The following BCAT1 variants were observed in gnomAD, a reference collection of about 807,000 sequenced individuals.
BCAT1 encodes branched-chain-amino-acid aminotransferase, cytosolic.
A neutral mutation model predicts 52.4 loss-of-function variants in BCAT1; 48 were observed. The observed-to-expected ratio is 0.92, with a 90% CI of 0.73 to 1.16. BCAT1 has a LOEUF of 1.16. BCAT1 is among the 50% of genes most tolerant of loss of function. The probability of loss-of-function intolerance (pLI) is 0.00; values close to 1 mark genes in which losing one functional copy is unlikely to be tolerated. For missense variants in BCAT1, 451 were observed against 457.1 expected (o/e 0.99, Z 0.12); for synonymous variants, 167 against 161.3 (o/e 1.04, Z -0.27).
intron 1 of BCAT1, among the ~76,000 whole-genome samples, chr12:24,924,929 A>G (rs560191712): frequency 6.6e-6 from 1 of 152,340 alleles, no homozygotes; most frequent in African/African-American, 2.4e-5. Flanking sequence ...GAAAGCATAT[A>G]GAAAGGTTAA....
intron 2 of BCAT1, among the ~76,000 whole-genome samples, chr12:24,898,939 T>C (rs1282904432): frequency 6.6e-6 from 1 of 152,246 alleles, no homozygotes; most frequent in Admixed American, 6.5e-5. Flanking sequence ...TCTAGGTTCT[T>C]GTGCATTATT....
chr12:24,829,761 A>T lies in BCAT1; in HGVS notation c.1119+62T>A, dbSNP rs536500291. The T allele has an allele frequency of 1.2e-4, 155 of 1,323,306 alleles. 1 individual carries two copies. In the South Asian group the frequency reaches 2.0e-3, roughly 17 times the overall value. The allele number at this position is 1,323,306 out of a possible 1,614,324, so 82.0% of individuals were successfully genotyped here. On this transcript the variant is annotated intron_variant, in intron 10 of 10. Coordinates refer to ENST00000261192, the MANE Select transcript of BCAT1 (RefSeq NM_005504.7). ...AATTTAGTTGTAAGCTCTGACAGAA[A>T]TAAGGTGACATAAAAAAAAGAAAAG... is the stretch of plus-strand genomic sequence containing the variant.
Position 24,842,303 on chromosome 12 carries a change from A to G in BCAT1, c.675-79T>C. 5 of 1,503,204 alleles carry G rather than the reference A, an allele frequency of 3.3e-6. No homozygotes were observed. In the South Asian group the frequency reaches 5.8e-5, roughly 17 times the overall value. The allele number at this position is 1,503,204 out of a possible 1,614,324, so 93.1% of individuals were successfully genotyped here. The stretch of plus-strand genomic sequence containing the variant: ...CATCTTCTACCCTCTGATAGCCTCA[A>G]GCTCTTAATTCACATGTGGACATAG... On this transcript the variant is annotated intron_variant, in intron 6 of 10. Transcript: ENST00000261192.
chr12:24,844,271 T>C (rs749530713), intron 6 of BCAT1, among the ~76,000 whole-genome samples: 5 of 147,554 alleles, frequency 3.4e-5, no homozygotes, highest in African/African-American at 5.0e-5. Context: ...CTACTAAAAA[T>C]AACAAAAAAA....
At chr12:24,860,590 A>T (rs1243655259) in intron 5 of BCAT1, among the ~76,000 whole-genome samples, 1 of 152,222 alleles carries the variant, frequency 6.6e-6, no homozygotes, top group East Asian at 1.9e-4. Context: ...GGACACAATT[A>T]GAGACACTGC....
chr12:24,829,545 CA>C (rs1323152216), intron 10 of BCAT1, among the ~76,000 whole-genome samples: 1 of 151,824 alleles, frequency 6.6e-6, no homozygotes. Flanking sequence ...TAAATGTTAC[CA>C]AAAATTACAT....
chr12:24,846,495 G>A (rs1459599514), intron 6 of BCAT1, among the ~76,000 whole-genome samples: 1 of 152,108 alleles, frequency 6.6e-6, no homozygotes, highest in African/African-American at 2.4e-5. Flanking sequence ...GTTTTAAATA[G>A]GTTATCTGGG....
At chr12:24,901,207 C>A (rs573728803) in intron 2 of BCAT1, among the ~76,000 whole-genome samples, 1 of 152,182 alleles carries the variant, frequency 6.6e-6, no homozygotes, top group South Asian at 2.1e-4. Flanking sequence ...TGTCTGATGA[C>A]AATTGACAGT....
At chr12:24,940,356 T>C (rs183709739) in intron 1 of BCAT1, among the ~76,000 whole-genome samples, 2 of 152,324 alleles carry the variant, frequency 1.3e-5, no homozygotes, top group Admixed American at 1.3e-4. Flanking sequence ...ACTAAAGTAC[T>C]CCTGTACATA....
chr12:24,840,003 G>A (rs2139425960), intron 7 of BCAT1, among the ~76,000 whole-genome samples: 1 of 152,092 alleles, frequency 6.6e-6, no homozygotes, highest in Middle Eastern at 3.4e-3. Context: ...CAAAGTGAAG[G>A]AGTATATTAA....
chr12:24,947,322 T>C (rs774120793), intron 1 of BCAT1, among the ~76,000 whole-genome samples: 1 of 152,212 alleles, frequency 6.6e-6, no homozygotes, highest in African/African-American at 2.4e-5. Flanking sequence ...TGCTACTCAG[T>C]GTATATCCTA....
At chr12:24,833,738 GAAGT>G (rs1213944630) in intron 8 of BCAT1, 5 of 152,030 alleles carry the variant, frequency 3.3e-5, no homozygotes, top group Non-Finnish European at 5.9e-5. Flanking sequence ...GGCCACAAAG[GAAGT>G]AAGTGACAGA....
intron 1 of BCAT1, among the ~76,000 whole-genome samples, chr12:24,935,492 G>C (rs1423258055): frequency 1.3e-5 from 2 of 152,056 alleles, no homozygotes; most frequent in African/African-American, 4.8e-5. Context: ...CTGCATCCCT[G>C]CCACAGCCCC....
chr12:24,860,797 CCA>C (rs1297221644), intron 5 of BCAT1, among the ~76,000 whole-genome samples: 1 of 152,094 alleles, frequency 6.6e-6, no homozygotes, highest in African/African-American at 2.4e-5. Context: ...CCTAGGAGCT[CCA>C]GTTATCTTGG....
intron 2 of BCAT1, among the ~76,000 whole-genome samples, chr12:24,899,914 G>A (rs150977442): frequency 2.8e-4 from 42 of 152,198 alleles, no homozygotes; most frequent in African/African-American, 9.9e-4. Context: ...GGGTGGGAAG[G>A]GTGTAGGTGG....
intron 2 of BCAT1, among the ~76,000 whole-genome samples, chr12:24,895,710 A>G (rs531940103): frequency 6.6e-6 from 1 of 152,090 alleles, no homozygotes; most frequent in African/African-American, 2.4e-5. Context: ...TTAAATACAG[A>G]CCTTCACTTT....
At chr12:24,934,031 C>A (rs1016638488) in intron 1 of BCAT1, among the ~76,000 whole-genome samples, 5 of 152,160 alleles carry the variant, frequency 3.3e-5, no homozygotes, top group African/African-American at 1.2e-4. Context: ...GAAAATGGAG[C>A]CGCCATCTTA....
intron 10 of BCAT1, among the ~76,000 whole-genome samples, chr12:24,822,617 GA>G (rs1379067043): frequency 6.6e-6 from 1 of 152,184 alleles, no homozygotes; most frequent in Non-Finnish European, 1.5e-5. Context: ...GAGTAATTTT[GA>G]GACTTTAAGT....
chr12:24,881,287 C>T lies in BCAT1; in HGVS notation c.390+14G>A. ...ATTAAAAGAAACACAAAAGAAACTC[C>T]TACACTTACATACCGGCAGAGTTGC... On this transcript the variant is annotated intron_variant, in intron 4 of 10. Transcript: ENST00000261192. 1 of 1,570,160 alleles carries T rather than the reference C, an allele frequency of 6.4e-7. No individual in the cohort carries two copies. Among genetic ancestry groups the T allele is most frequent in the South Asian group, 1.1e-5 (1 of 88,294 alleles).
Sources: allele counts gnomAD v4.1 joint callset (sites outside exome capture counted in the v4.1 genomes callset), GRCh38; gene constraint gnomAD v4.1.1; transcripts MANE v1.5; gene names NCBI Gene and HGNC (gene_info 2026-07-23, HGNC 2026-07-21).